Variants in SUMF1 observed in about 807,000 individuals in gnomAD.
SUMF1 encodes the protein sulfatase modifying factor 1.
Under a neutral mutation model 47.6 loss-of-function variants are expected in SUMF1, and 48 were observed. The observed-to-expected ratio is 1.01, with a 90% confidence interval of 0.80 to 1.28. SUMF1 has a LOEUF of 1.28. Among genes scored for constraint, SUMF1 ranks in the 50% most tolerant of loss-of-function variants. The probability of loss-of-function intolerance (pLI) is 0.00; values close to 1 mark genes in which losing one functional copy is unlikely to be tolerated. For missense variants in SUMF1, 571 were observed against 485.4 expected, an observed-to-expected ratio of 1.18 and a Z score of -1.66; for synonymous variants, 230 against 192.1, an observed-to-expected ratio of 1.20 and a Z score of -1.63.
chr3:4,078,446 C>T (rs1244989024), intron 8 of SUMF1, among the ~76,000 whole-genome samples: 1 of 152,084 alleles, frequency 6.6e-6, no homozygotes, highest in African/African-American at 2.4e-5. Context: ...TCATTAGTTA[C>T]AGAAACGGCC....
chr3:4,382,048 C>A (rs1000461546), intron 7 of SUMF1, among the ~76,000 whole-genome samples: 2 of 152,052 alleles, frequency 1.3e-5, no homozygotes, highest in African/African-American at 2.4e-5. Context: ...AACTCTGTCT[C>A]AGGAAAACAA....
At chr3:4,312,777 A>T in intron 8 of SUMF1, 1 of 1,153,606 alleles carries the variant, frequency 8.7e-7, no homozygotes, top group Non-Finnish European at 1.2e-6. Flanking sequence ...CTGTGTTTTG[A>T]CAGTTTTGTC....
intron 8 of SUMF1, among the ~76,000 whole-genome samples, chr3:4,260,229 A>T (rs541422749): frequency 6.6e-6 from 1 of 152,254 alleles, no homozygotes; most frequent in South Asian, 2.1e-4. Flanking sequence ...GATATAAAAT[A>T]TATTGGCAAT....
intron 3 of SUMF1, among the ~76,000 whole-genome samples, chr3:4,444,848 G>A (rs189076942): frequency 5.3e-4 from 81 of 152,254 alleles, no homozygotes; most frequent in African/African-American, 1.4e-3. Context: ...CAGGGTCCTC[G>A]AAATACTGTT....
At chr3:4,350,641 A>G (rs1422611085) in intron 8 of SUMF1, among the ~76,000 whole-genome samples, 1 of 152,150 alleles carries the variant, frequency 6.6e-6, no homozygotes, top group African/African-American at 2.4e-5. Flanking sequence ...AACTTGATAA[A>G]TAGTTAAAAA....
chr3:4,126,847 G>A (rs1348751429), intron 8 of SUMF1, among the ~76,000 whole-genome samples: 1 of 152,136 alleles, frequency 6.6e-6, no homozygotes, highest in Non-Finnish European at 1.5e-5. Context: ...AATGAAAGCG[G>A]CAGTAGTCTT....
intron 8 of SUMF1, among the ~76,000 whole-genome samples, chr3:4,098,646 T>G (rs1692960416): frequency 6.6e-6 from 1 of 152,164 alleles, no homozygotes; most frequent in Admixed American, 6.5e-5. Context: ...ATGCACAATA[T>G]TTTCCCCCTA....
intron 8 of SUMF1, among the ~76,000 whole-genome samples, chr3:4,151,535 GTATA>G (rs1206964343): frequency 1.6e-5 from 2 of 125,628 alleles, no homozygotes; most frequent in South Asian, 2.5e-4. Context: ...GTATATATGT[GTATA>G]TATATGTGTG....
intron 8 of SUMF1, among the ~76,000 whole-genome samples, chr3:4,325,503 G>A (rs538261579): frequency 6.6e-6 from 1 of 152,222 alleles, no homozygotes; most frequent in East Asian, 1.9e-4. Flanking sequence ...ATCAGTGGCA[G>A]GCACGAAGGT....
At chr3:4,071,145 C>T (rs1368640750) in intron 8 of SUMF1, among the ~76,000 whole-genome samples, 1 of 152,074 alleles carries the variant, frequency 6.6e-6, no homozygotes, top group African/African-American at 2.4e-5. Context: ...CTTAAAACTA[C>T]ATACTTGCAT....
At chr3:4,220,454 T>C (rs1223135822) in intron 8 of SUMF1, among the ~76,000 whole-genome samples, 1 of 152,134 alleles carries the variant, frequency 6.6e-6, no homozygotes, top group African/African-American at 2.4e-5. Flanking sequence ...AGCATTGCTT[T>C]CCAGGTCATT....
At chr3:4,353,397 C>T (rs896100665) in intron 8 of SUMF1, among the ~76,000 whole-genome samples, 90 of 152,138 alleles carry the variant, frequency 5.9e-4, no homozygotes, top group African/African-American at 1.7e-3. Context: ...GGACTACAGG[C>T]ACCCGCCACC....
At chr3:4,119,837 T>C (rs1442615302) in intron 8 of SUMF1, among the ~76,000 whole-genome samples, 1 of 152,126 alleles carries the variant, frequency 6.6e-6, no homozygotes, top group East Asian at 1.9e-4. Flanking sequence ...CCTTGGTCCT[T>C]GGTTCCCCAC....
intron 8 of SUMF1, among the ~76,000 whole-genome samples, chr3:4,207,208 T>C (rs1299534539): frequency 2.0e-5 from 3 of 152,192 alleles, no homozygotes; most frequent in Non-Finnish European, 4.4e-5. Flanking sequence ...CCTTATGACC[T>C]TGTTAAACTT....
At chr3:4,209,181 T>C (rs1192100836) in intron 8 of SUMF1, among the ~76,000 whole-genome samples, 1 of 152,196 alleles carries the variant, frequency 6.6e-6, no homozygotes, top group African/African-American at 2.4e-5. Context: ...GTACCTATTA[T>C]ATACGTGCTG....
chr3:4,146,780 T>C (rs540800401), intron 8 of SUMF1, among the ~76,000 whole-genome samples: 1 of 148,274 alleles, frequency 6.7e-6, no homozygotes, highest in South Asian at 2.2e-4. Flanking sequence ...AGTGAGAACA[T>C]GCAGTGTTTG....
intron 8 of SUMF1, among the ~76,000 whole-genome samples, chr3:4,182,997 G>A (rs560853111): frequency 1.3e-5 from 2 of 152,252 alleles, no homozygotes; most frequent in South Asian, 4.1e-4. Context: ...ACTGAGGTTG[G>A]CTTGAGGGTT....
chr3:4,223,519 T>A (rs1240973224), intron 8 of SUMF1, among the ~76,000 whole-genome samples: 1 of 152,102 alleles, frequency 6.6e-6, no homozygotes, highest in Non-Finnish European at 1.5e-5. Context: ...GATACTGTTA[T>A]CGCTACCACT....
rs796805823 is a variant in SUMF1, at chr3:4,165,873, C to A, written c.1015-97128G>T. Among the ~76,000 whole-genome samples, 111 of 140,106 alleles carry A rather than the reference C, an allele frequency of 7.9e-4. 2 individuals are homozygous for A. In the South Asian group the frequency reaches 0.024, roughly 30 times the overall value. 91.9% of individuals were successfully genotyped at this position (140,106 alleles called of 152,430 possible). A position where few individuals can be genotyped will look rare whatever the true frequency, so the allele number is the denominator to read the frequency against. ...TTGATTTGTTTGTTTCCCCCCCCCC[C>A]CCGAGCAAGAACCTGCAATGGTCCC... On this transcript the variant is annotated intron_variant and NMD_transcript_variant, in intron 8 of 12. Coordinates refer to the SUMF1 transcript ENST00000448413.
Sources: allele counts gnomAD v4.1 joint callset (sites outside exome capture counted in the v4.1 genomes callset), GRCh38; gene constraint gnomAD v4.1.1; transcripts MANE v1.5; gene names NCBI Gene and HGNC (gene_info 2026-07-23, HGNC 2026-07-21).